ERCC5: variants seen among roughly 807,000 people sequenced by gnomAD.
ERCC5 encodes DNA excision repair protein ERCC-5.
ERCC5 carries 68 observed loss-of-function variants against 105.6 expected under a neutral mutation model. The ratio of observed to expected loss-of-function variants is 0.64; its 90% CI spans 0.53 to 0.79. ERCC5 has a LOEUF of 0.79. Ranked by LOEUF, ERCC5 falls within the 30% of genes least tolerant of loss-of-function variation. ERCC5 has a pLI of 0.00. For missense variants in ERCC5, 1,373 were observed against 1,426.7 expected (o/e 0.96, Z 0.61); for synonymous variants, 546 against 526.2 (o/e 1.04, Z -0.51).
At chr13:102,855,544 C>T (rs763995575) in intron 4 of ERCC5, among the ~76,000 whole-genome samples, 2 of 152,248 alleles carry the variant, frequency 1.3e-5, no homozygotes, top group Non-Finnish European at 2.9e-5. Context: ...AGCCACCACA[C>T]GCAGCTTAGC....
intron 1 of ERCC5, among the ~76,000 whole-genome samples, chr13:102,846,832 G>A (rs1288960551): frequency 1.3e-5 from 2 of 152,216 alleles, no homozygotes; most frequent in Admixed American, 1.3e-4. Flanking sequence ...CGCCCTGTCT[G>A]CTTTCCCCAG....
rs193097418 is a variant in ERCC5 at position 102,861,710 on chromosome 13, A to G, written c.876A>G (p.Ile292Met). 5.5e-5 allele frequency: 88 copies of G among 1,614,090 alleles called. No homozygotes were observed. The East Asian group carries it at 1.9e-3, about 35-fold the overall frequency. The change falls in exon 7 of 15, where the codon ATA (isoleucine) becomes ATG (methionine). Residue 292 changes from isoleucine (I) to methionine (M), a missense_variant. Transcript: ENST00000652225. Reference protein sequence around the residue: ...VSEDTSHYILIKGIQAKTVAE... With the variant: ...VSEDTSHYILMKGIQAKTVAE... ...AAGACACTTCACATTACATCTTGAT[A>G]AAAGGTATCAGGCACCATCATTTAT...
chr13:102,851,699 G>A (rs1882211235), intron 1 of ERCC5, among the ~76,000 whole-genome samples: 2 of 152,160 alleles, frequency 1.3e-5, no homozygotes, highest in African/African-American at 4.8e-5. Flanking sequence ...ATATATCCAT[G>A]ATGATTTTCT....
intron 11 of ERCC5, among the ~76,000 whole-genome samples, chr13:102,867,374 G>C (rs927825678): frequency 2.0e-5 from 3 of 152,202 alleles, no homozygotes; most frequent in African/African-American, 7.2e-5. Context: ...TTCAGGCATC[G>C]AGAGTGCAGG....
At chr13:102,868,565 C>T (rs1170009240) in intron 12 of ERCC5, among the ~76,000 whole-genome samples, 1 of 152,238 alleles carries the variant, frequency 6.6e-6, no homozygotes, top group African/African-American at 2.4e-5. Context: ...AGACACTGTG[C>T]TGGCCCTGGG....
In ERCC5 at chr13:102,846,046, T is replaced by A. The variant is rs1595372825; in HGVS notation, c.-221T>A. ...GACCTGTCTTTCTTCCGGGAGGCGGTGACAGCTGCTGAGACGTGTTGCAGC... is the reference window on the plus strand; with the variant it reads ...GACCTGTCTTTCTTCCGGGAGGCGGAGACAGCTGCTGAGACGTGTTGCAGC... On this transcript the variant is annotated 5_prime_UTR_variant, in exon 1 of 15. Coordinates refer to ENST00000652225, the MANE Select transcript of ERCC5 (RefSeq NM_000123.4). The A allele has an allele frequency of 1.8e-6, 1 of 563,644 alleles. No homozygotes were observed. Among genetic ancestry groups the A allele is most frequent in the Non-Finnish European group, 3.2e-6 (1 of 316,042 alleles). The allele number at this position is 563,644 out of a possible 1,614,324, so 34.9% of individuals were successfully genotyped here. A position where few individuals can be genotyped will look rare whatever the true frequency, so the allele number is the denominator to read the frequency against.
chr13:102,853,843 A>G lies in ERCC5; in HGVS notation c.351A>G (p.Gln117=), dbSNP rs1486111476. Residue 117 remains glutamine (Q), a synonymous_variant, in exon 3 of 15, where the codon CAA becomes CAG. Coordinates refer to ENST00000652225, the MANE Select transcript of ERCC5 (RefSeq NM_000123.4). ...EKLLKTFLKR[Q]AIKTAFRSKR... ...TTCTGAAAACATTTTTGAAAAGACA[A>G]GCCATCAAAACTGCCTTCAGAAGCA... 5 of 1,614,128 alleles carry G rather than the reference A, an allele frequency of 3.1e-6. No homozygotes were observed. The highest frequency in any genetic ancestry group is 3.3e-5 in the Admixed American group (2 of 60,016).
chr13:102,871,834 A>G (rs1333177554), intron 12 of ERCC5, among the ~76,000 whole-genome samples: 2 of 152,184 alleles, frequency 1.3e-5, no homozygotes, highest in Non-Finnish European at 2.9e-5. Flanking sequence ...TCTGTGGTAT[A>G]ATTATGAGTG....
At chr13:102,860,143 T>G (rs1341006544) in intron 6 of ERCC5, among the ~76,000 whole-genome samples, 1 of 152,194 alleles carries the variant, frequency 6.6e-6, no homozygotes, top group Admixed American at 6.5e-5. Context: ...TTTGACTTAA[T>G]GATGGCACAA....
intron 6 of ERCC5, among the ~76,000 whole-genome samples, chr13:102,861,081 C>T (rs1349680413): frequency 5.3e-5 from 8 of 151,920 alleles, no homozygotes; most frequent in East Asian, 1.9e-4. Flanking sequence ...CTCTGCCTCC[C>T]CGGTTCAAGT....
chr13:102,873,225 T>G (rs780667563), intron 13 of ERCC5, 34 bp from the exon 14 acceptor site: 1 of 1,613,678 alleles, frequency 6.2e-7, no homozygotes, highest in South Asian at 1.1e-5. Flanking sequence ...TTTAAATATC[T>G]TTCAAAATAT....
At position 102,856,114 on chromosome 13, in the gene ERCC5, T is replaced by A. The variant is rs1352553146; in HGVS notation, c.528+2T>A. 1 of 1,612,552 alleles carries A rather than the reference T, an allele frequency of 6.2e-7. No individual in the cohort carries two copies. The highest frequency in any genetic ancestry group is 8.5e-7 in the Non-Finnish European group (1 of 1,178,664). The stretch of plus-strand genomic sequence containing the variant: ...ATGAATCAAAAACAAGCATTACAGG[T>A]ATTTAGATCATTTTTGAATTCAGAA... On this transcript the variant is annotated splice_donor_variant, in intron 5 of 14. Coordinates refer to ENST00000652225, the MANE Select transcript of ERCC5 (RefSeq NM_000123.4). LOFTEE classifies it high-confidence loss of function.
At chr13:102,847,773 T>TA (rs1354349638) in intron 1 of ERCC5, among the ~76,000 whole-genome samples, 8 of 152,172 alleles carry the variant, frequency 5.3e-5, no homozygotes, top group Non-Finnish European at 1.0e-4. Context: ...TTCTCAGAAA[T>TA]AAAGGGTAAA....
intron 1 of ERCC5, among the ~76,000 whole-genome samples, chr13:102,851,712 G>A (rs4150260): frequency 0.5 from 75,743 of 152,022 alleles, 20,037 homozygotes; most frequent in Non-Finnish European, 0.59. Context: ...GATTTTCTGA[G>A]GATCAATGTC....
intron 1 of ERCC5, among the ~76,000 whole-genome samples, chr13:102,850,614 G>A (rs1462937014): frequency 6.6e-6 from 1 of 152,190 alleles, no homozygotes; most frequent in African/African-American, 2.4e-5. Flanking sequence ...ATAGCTATAG[G>A]TGGTGATGCC....
intron 3 of ERCC5, 56 bp downstream of exon 3, chr13:102,853,928 T>G: frequency 6.5e-7 from 1 of 1,533,580 alleles, no homozygotes; most frequent in Non-Finnish European, 9.0e-7. Context: ...GTGATTTTTG[T>G]CTTGATTTCC....
intron 7 of ERCC5, 38 bp from the exon 8 acceptor site, chr13:102,861,992 A>G (rs1218392787): frequency 1.9e-6 from 3 of 1,611,588 alleles, no homozygotes; most frequent in Non-Finnish European, 1.7e-6. Context: ...GTCACACTGT[A>G]AAACTGAATG....
In ERCC5 at chr13:102,858,272, C is replaced by G. The variant is rs372122917; in HGVS notation, c.529-3C>G. 1.9e-6 allele frequency: 3 copies of G among 1,613,942 alleles called. No individual in the cohort carries two copies. In the African/African-American group the frequency reaches 4.0e-5, roughly 22 times the overall value. On this transcript the variant is annotated splice_polypyrimidine_tract_variant and splice_region_variant and intron_variant, in intron 5 of 14. Coordinates refer to ENST00000652225, the MANE Select transcript of ERCC5 (RefSeq NM_000123.4). ...TCATGGTGCTGTGATTTTATCTTTA[C>G]AGGAAGAGTTCTTTCATAATCCTCA... is the stretch of plus-strand genomic sequence containing the variant.
chr13:102,857,355 G>A (rs1420348229), intron 5 of ERCC5, among the ~76,000 whole-genome samples: 1 of 152,146 alleles, frequency 6.6e-6, no homozygotes, highest in African/African-American at 2.4e-5. Flanking sequence ...AATTCTCCAA[G>A]GCTTTATTTT....
Sources: gnomAD v4.1 joint callset for allele counts (sites outside exome capture counted in the v4.1 genomes callset) on GRCh38, gnomAD v4.1.1 for gene constraint, MANE v1.5 for transcripts, NCBI Gene and HGNC (gene_info 2026-07-23, HGNC 2026-07-21) for gene names.